PRKDC: variants seen among roughly 807,000 people sequenced by gnomAD.
The protein encoded by PRKDC is protein kinase, DNA-activated, catalytic subunit.
In PRKDC, 82 loss-of-function variants were observed where a neutral mutation model predicts 486.9. The ratio of observed to expected loss-of-function variants is 0.17; its 90% CI spans 0.14 to 0.20. The LOEUF is 0.20. Ranked by LOEUF, PRKDC falls within the 10% of genes least tolerant of loss-of-function variation. The pLI is 1.00. For missense variants in PRKDC, 4,504 were observed against 5,038.2 expected (o/e 0.89, Z 3.21); for synonymous variants, 1,895 against 1,837.0 (o/e 1.03, Z -0.81).
intron 39 of PRKDC, 75 bp downstream of exon 39, chr8:47,879,416 C>A (rs1290666199): frequency 1.5e-6 from 2 of 1,339,614 alleles, no homozygotes; most frequent in East Asian, 2.6e-5. Context: ...ATTTTACTCA[C>A]CTCTTTTCAT....
Position 47,849,494 on chromosome 8 carries a change from C to T in PRKDC, c.7015G>A (p.Glu2339Lys), listed in dbSNP as rs777172571. The part of the protein sequence containing the change: ...YVMERKNILE[E>K]SLCELVAKQL... ...TTCGCAACCAGTTCACACAGAGACT[C>T]CTCCAGTATCTGAAAAATTAAGTTT... Residue 2339 changes from glutamate (E) to lysine (K), a missense_variant, in exon 53 of 86, where the codon GAG becomes AAG. Coordinates refer to ENST00000314191, the MANE Select transcript of PRKDC (RefSeq NM_006904.7). 1 of 1,609,832 alleles carries T rather than the reference C, an allele frequency of 6.2e-7. No individual in the cohort carries two copies. The highest frequency in any genetic ancestry group is 1.7e-5 in the Admixed American group (1 of 58,726).
rs1298495362 is a variant in PRKDC, at chr8:47,887,822, A to G, written c.4414-117T>C. ...CAGATAGCACTGACAACTACCTTCC[A>G]ATATTCAGAAAAATTTTAATTCAAC... On this transcript the variant is annotated intron_variant, in intron 34 of 85. Coordinates refer to ENST00000314191, the MANE Select transcript of PRKDC (RefSeq NM_006904.7). 6 of 1,073,432 alleles carry G rather than the reference A, an allele frequency of 5.6e-6. No individual in the cohort carries two copies. In the East Asian group the frequency reaches 1.4e-4, roughly 24 times the overall value. The allele number at this position is 1,073,432 out of a possible 1,614,324, so 66.5% of individuals were successfully genotyped here. A position where few individuals can be genotyped will look rare whatever the true frequency, so the allele number is the denominator to read the frequency against.
At chr8:47,793,683 T>TAAAA (rs397892514) in intron 74 of PRKDC, among the ~76,000 whole-genome samples, 12 of 72,800 alleles carry the variant, frequency 1.6e-4, no homozygotes, top group East Asian at 3.9e-4. Flanking sequence ...TTAAAAAAAC[T>TAAAA]AAAAAAAAAA....
At chr8:47,959,900 G>C in intron 1 of PRKDC, 73 bp downstream of exon 1, 1 of 1,508,146 alleles carries the variant, frequency 6.6e-7, no homozygotes, top group Non-Finnish European at 8.8e-7. Context: ...ACAGAGAAGC[G>C]CCGGGCTGCC....
chr8:47,941,187 C>T (rs573658118), intron 10 of PRKDC, among the ~76,000 whole-genome samples: 32 of 151,686 alleles, frequency 2.1e-4, no homozygotes, highest in African/African-American at 7.7e-4. Flanking sequence ...ATAGATGTCA[C>T]TGTGAGGAAA....
chr8:47,876,023 AT>A (rs1214766263), intron 40 of PRKDC, among the ~76,000 whole-genome samples: 1 of 152,254 alleles, frequency 6.6e-6, no homozygotes. Context: ...ATATTGTATG[AT>A]TCCACTTATA....
At chr8:47,779,279 T>C in intron 80 of PRKDC, 186 bp from the exon 81 acceptor site, 1 of 507,004 alleles carries the variant, frequency 2.0e-6, no homozygotes, top group East Asian at 3.2e-5. Context: ...CAATATACCA[T>C]TATTCATTCT....
chr8:47,892,382 G>A (rs2089480386), intron 31 of PRKDC, among the ~76,000 whole-genome samples: 1 of 152,146 alleles, frequency 6.6e-6, no homozygotes, highest in African/African-American at 2.4e-5. Flanking sequence ...CCAGGCTAGA[G>A]TACAGTGGCA....
rs1425816260 is a variant in PRKDC at position 47,944,035 on chromosome 8, G to A, written c.722-6C>T. 3.9e-6 allele frequency: 6 copies of A among 1,556,372 alleles called. No homozygotes were observed. The African/African-American group carries it at 5.5e-5, about 14-fold the overall frequency. ...CTCCCTTGAAGTCTGGGGATCTAGGGAAATACCAAGAAGCCTGTTACAAAT... is the reference window on the plus strand; with the variant it reads ...CTCCCTTGAAGTCTGGGGATCTAGGAAAATACCAAGAAGCCTGTTACAAAT... On this transcript the variant is annotated splice_region_variant and splice_polypyrimidine_tract_variant and intron_variant, in intron 7 of 85. Transcript: ENST00000314191.
At chr8:47,891,547 C>A (rs13251871) in intron 31 of PRKDC, among the ~76,000 whole-genome samples, 1 of 151,640 alleles carries the variant, frequency 6.6e-6, no homozygotes, top group Admixed American at 6.6e-5. Context: ...AGTGAAACCC[C>A]GTCTCTACTA....
In PRKDC at chr8:47,927,778, G is replaced by A; in HGVS notation, c.2252C>T (p.Ala751Val). ...GTTCAAGACAACGCCTACCTGCAGT[G>A]CAGGAACGTAGGCTCTAACATCGAG... ...IELDVRAYVP[A>V]LQMAFKLGLS... The change falls in exon 20 of 86, where the codon GCA (alanine) becomes GTA (valine). Residue 751 changes from alanine (A) to valine (V), a missense_variant. By Grantham distance (64) the Ala-to-Val change is moderately conservative. Around this residue, in one of 6 missense-constraint regions of PRKDC, gnomAD observed 1,969 missense variants for 2,068.9 expected, o/e 0.95. Transcript: ENST00000314191. 4 of 1,555,918 alleles carry A rather than the reference G, an allele frequency of 2.6e-6. No homozygotes were observed. The highest frequency in any genetic ancestry group is 3.5e-6 in the Non-Finnish European group (4 of 1,156,350).
Position 47,902,577 on chromosome 8 carries a change from C to A in PRKDC, c.3261G>T (p.Arg1087Ser). Reference protein sequence around the residue: ...GASLAFNNIYREFREEESLVE... With the variant: ...GASLAFNNIYSEFREEESLVE... Reference sequence around the variant, plus strand: ...TTGTGTAGCTTACAAACCTGAATTCCCTGTAGATATTATTAAAGGCAAGTG... The same window carrying A: ...TTGTGTAGCTTACAAACCTGAATTCACTGTAGATATTATTAAAGGCAAGTG... The change falls in exon 27 of 86, where the codon AGG (arginine) becomes AGT (serine). Residue 1087 changes from arginine to serine, a missense_variant. Arg to Ser is a moderately radical substitution (Grantham distance 110). Coordinates refer to ENST00000314191, the MANE Select transcript of PRKDC (RefSeq NM_006904.7). 6.3e-7 allele frequency: 1 copy of A among 1,574,816 alleles called. No homozygotes were observed. The highest frequency in any genetic ancestry group is 8.6e-7 in the Non-Finnish European group (1 of 1,162,898).
rs528650708 is a variant in PRKDC, at chr8:47,912,432, C to G, written c.2912G>C (p.Arg971Pro). 2 of 1,595,692 alleles carry G rather than the reference C, an allele frequency of 1.3e-6. No individual in the cohort carries two copies. The highest frequency in any genetic ancestry group is 1.7e-6 in the Non-Finnish European group (2 of 1,171,416). ...LYKRTFPVLL[R>P]LACDVDQVTR... ...TACCTGATCAACATCACACGCAAGT[C>G]GAAGCAGCACAGGAAACGTCCGCTT... is the stretch of plus-strand genomic sequence containing the variant. Residue 971 changes from arginine (R) to proline (P), a missense_variant, in exon 25 of 86, where the codon CGA becomes CCA. Arg to Pro is a moderately radical substitution (Grantham distance 103, BLOSUM62 -2). Around this residue, in one of 6 missense-constraint regions of PRKDC, gnomAD observed 1,969 missense variants for 2,068.9 expected, o/e 0.95. Coordinates refer to ENST00000314191, the MANE Select transcript of PRKDC (RefSeq NM_006904.7).
At position 47,953,675 on chromosome 8, in the gene PRKDC, T is replaced by C. The variant is rs370540740; in HGVS notation, c.666A>G (p.Gly222=). ...GAAGTGAGGACAACCCCTTCAGACATCCTGCCAGAACAGGTAGTTTGGGCT... is the reference window on the plus strand; with the variant it reads ...GAAGTGAGGACAACCCCTTCAGACACCCTGCCAGAACAGGTAGTTTGGGCT... ...VREPKLPVLA[G]CLKGLSSLLC... Residue 222 remains glycine (G), a synonymous_variant, in exon 7 of 86, where the codon GGA becomes GGG. Transcript: ENST00000314191. 84 of 1,613,576 alleles carry C rather than the reference T, an allele frequency of 5.2e-5. 2 individuals are homozygous for C. In the South Asian group the frequency reaches 8.4e-4, roughly 16 times the overall value.
intron 26 of PRKDC, among the ~76,000 whole-genome samples, chr8:47,904,435 G>A (rs1320142951): frequency 6.6e-6 from 1 of 152,152 alleles, no homozygotes; most frequent in Non-Finnish European, 1.5e-5. Context: ...TCTATTTTTA[G>A]TAGAGACAGG....
intron 25 of PRKDC, among the ~76,000 whole-genome samples, chr8:47,906,052 GA>G (rs1408328017): frequency 6.6e-6 from 1 of 152,212 alleles, no homozygotes; most frequent in Non-Finnish European, 1.5e-5. Flanking sequence ...CATTATACAT[GA>G]GAGTAAAATG....
chr8:47,943,262 T>G lies in PRKDC; in HGVS notation c.913A>C (p.Asn305His), dbSNP rs538586255. The change falls in exon 10 of 86, where the codon AAT becomes CAT. Residue 305 changes from asparagine to histidine, a missense_variant. Coordinates refer to ENST00000314191, the MANE Select transcript of PRKDC (RefSeq NM_006904.7). ...AGTGCAGCTTTTTTCAATTCTACATTTGTGTGGGCACACCACTTTAACAAG... is the reference window on the plus strand; with the variant it reads ...AGTGCAGCTTTTTTCAATTCTACATGTGTGTGGGCACACCACTTTAACAAG... ...EVLLKWCAHT[N>H]VELKKAALSA... 1 of 1,613,306 alleles carries G rather than the reference T, an allele frequency of 6.2e-7. No homozygotes were observed. The highest frequency in any genetic ancestry group is 1.3e-5 in the African/African-American group (1 of 75,066).
chr8:47,893,189 C>T lies in PRKDC; in HGVS notation c.3797G>A (p.Cys1266Tyr). 2 of 1,613,154 alleles carry T rather than the reference C, an allele frequency of 1.2e-6. No individual in the cohort carries two copies. Among genetic ancestry groups the T allele is most frequent in the Non-Finnish European group, 1.7e-6 (2 of 1,179,460 alleles). ...WLDLLLAALE[C>Y]YNTFIGERTV... ...TCTCTCGCCAATGAACGTGTTGTAG[C>T]ACTCCAACGCGGCCAGGAGCAGGTC... The change falls in exon 31 of 86, where the codon TGC becomes TAC. Residue 1266 changes from cysteine to tyrosine, a missense_variant. Physicochemically the swap from Cys to Tyr is radical, Grantham distance 194. Transcript: ENST00000314191.
At chr8:47,842,484 C>G (rs190156599) in intron 54 of PRKDC, among the ~76,000 whole-genome samples, 6 of 152,144 alleles carry the variant, frequency 3.9e-5, no homozygotes, top group Non-Finnish European at 8.8e-5. Flanking sequence ...CTATACAGAG[C>G]CTCAGCCAGC....
Sources: allele counts gnomAD v4.1 joint callset (sites outside exome capture counted in the v4.1 genomes callset), GRCh38; gene constraint gnomAD v4.1.1; regional missense constraint gnomAD v4.1.1; transcripts MANE v1.5; gene names NCBI Gene and HGNC (gene_info 2026-07-23, HGNC 2026-07-21).